The following TMEM50A variants were observed in gnomAD, a reference collection of about 807,000 sequenced individuals.
The protein encoded by TMEM50A is cervical cancer oncogene 9.
Under a neutral mutation model 23.9 loss-of-function variants are expected in TMEM50A, and 8 were observed. The observed-to-expected ratio is 0.33, with a 90% CI of 0.20 to 0.60. The LOEUF (loss-of-function observed/expected upper bound fraction) is 0.60, where lower values mean the gene tolerates loss of function less well. Among genes scored for constraint, TMEM50A ranks in the 20% least tolerant of loss-of-function variants. The pLI, the probability that TMEM50A is intolerant of heterozygous loss-of-function variation, is 0.81. For synonymous variants in TMEM50A, 55 were observed against 60.4 expected (o/e 0.91, Z 0.41); for missense variants, 178 against 192.7 (o/e 0.92, Z 0.45).
intron 5 of TMEM50A, among the ~76,000 whole-genome samples, chr1:25,354,574 T>C (rs1440245449): frequency 6.6e-6 from 1 of 151,910 alleles, no homozygotes; most frequent in African/African-American, 2.4e-5. Flanking sequence ...ATTGTGCCAC[T>C]GTACTCCAGC....
chr1:25,347,043 G>T (rs965739650), intron 3 of TMEM50A, among the ~76,000 whole-genome samples: 3 of 151,300 alleles, frequency 2.0e-5, no homozygotes, highest in Admixed American at 6.6e-5. Context: ...AACAAAAAAC[G>T]CATTTAGTGA....
rs906072607 is a variant in TMEM50A, at chr1:25,362,184, G to A, written c.*1479G>A. The A allele has an allele frequency of 2.6e-5, 12 of 459,982 alleles. No individual in the cohort carries two copies. Among genetic ancestry groups the A allele is most frequent in the African/African-American group, 1.8e-4 (9 of 50,834 alleles). 28.5% of individuals were successfully genotyped at this position (459,982 alleles called of 1,614,324 possible). Reference sequence around the variant, plus strand: ...GTTTTGTATTATCTGCTTTGCTGATGTAGACAAGAGTTAACTGAGTAGCAT... The same window carrying A: ...GTTTTGTATTATCTGCTTTGCTGATATAGACAAGAGTTAACTGAGTAGCAT... On this transcript the variant is annotated 3_prime_UTR_variant, in exon 7 of 7. Coordinates refer to ENST00000374358, the MANE Select transcript of TMEM50A (RefSeq NM_014313.4).
intron 5 of TMEM50A, among the ~76,000 whole-genome samples, chr1:25,355,910 T>A (rs1645329028): frequency 6.6e-6 from 1 of 152,230 alleles, no homozygotes; most frequent in Non-Finnish European, 1.5e-5. Context: ...TGAAGGCCTG[T>A]CAAAGATGAC....
chr1:25,362,174 C>T lies in TMEM50A; in HGVS notation c.*1469C>T, dbSNP rs538676201. On this transcript the variant is annotated 3_prime_UTR_variant, in exon 7 of 7. Coordinates refer to ENST00000374358, the MANE Select transcript of TMEM50A (RefSeq NM_014313.4). ...TAATTTTCCTGTTTTGTATTATCTG[C>T]TTTGCTGATGTAGACAAGAGTTAAC... The T allele has an allele frequency of 1.4e-4, 60 of 433,518 alleles. No individual in the cohort carries two copies. The highest frequency in any genetic ancestry group is 9.4e-4 in the African/African-American group (47 of 50,206). The allele number at this position is 433,518 out of a possible 1,614,324, so 26.9% of individuals were successfully genotyped here.
At chr1:25,350,834 G>C (rs1161353188) in intron 3 of TMEM50A, among the ~76,000 whole-genome samples, 1 of 152,126 alleles carries the variant, frequency 6.6e-6, no homozygotes, top group Non-Finnish European at 1.5e-5. Flanking sequence ...AAGTAATGCT[G>C]ATTCCGCTAG....
intron 3 of TMEM50A, among the ~76,000 whole-genome samples, chr1:25,349,166 C>G (rs1038613346): frequency 5.3e-5 from 8 of 152,226 alleles, no homozygotes; most frequent in African/African-American, 1.9e-4. Flanking sequence ...CAGCTACACC[C>G]CAACACCAGG....
At chr1:25,353,702 A>G (rs1645304031) in intron 5 of TMEM50A, among the ~76,000 whole-genome samples, 1 of 152,248 alleles carries the variant, frequency 6.6e-6, no homozygotes, top group Non-Finnish European at 1.5e-5. Flanking sequence ...AGGAAAAGGT[A>G]TACTGTTAGA....
intron 5 of TMEM50A, among the ~76,000 whole-genome samples, chr1:25,355,471 A>G (rs1198141290): frequency 2.0e-5 from 3 of 152,218 alleles, no homozygotes; most frequent in Non-Finnish European, 2.9e-5. Flanking sequence ...GTCCCTTTTT[A>G]TAGGAATGTC....
intron 3 of TMEM50A, among the ~76,000 whole-genome samples, chr1:25,345,714 C>T (rs181086461): frequency 9.3e-4 from 142 of 152,212 alleles, no homozygotes; most frequent in African/African-American, 3.3e-3. Context: ...CCACTGCACT[C>T]CAGCCTGGGC....
At chr1:25,343,111 G>A in intron 3 of TMEM50A, 38 bp downstream of exon 3, 1 of 1,484,262 alleles carries the variant, frequency 6.7e-7, no homozygotes, top group South Asian at 1.2e-5. Context: ...TACATAGCTT[G>A]CCACAAAATA....
intron 3 of TMEM50A, among the ~76,000 whole-genome samples, chr1:25,350,766 G>A (rs1645267215): frequency 6.6e-6 from 1 of 152,204 alleles, no homozygotes; most frequent in Admixed American, 6.5e-5. Flanking sequence ...TGCCCAGAGT[G>A]TCTGCTTTGC....
chr1:25,343,300 T>G (rs890194512), intron 3 of TMEM50A, among the ~76,000 whole-genome samples: 1 of 152,194 alleles, frequency 6.6e-6, no homozygotes, highest in Admixed American at 6.5e-5. Context: ...ATTCTTTTAT[T>G]TTATACCCCC....
intron 6 of TMEM50A, among the ~76,000 whole-genome samples, chr1:25,357,178 A>G (rs1484066932): frequency 6.6e-6 from 1 of 152,188 alleles, no homozygotes; most frequent in East Asian, 1.9e-4. Flanking sequence ...TTTAAGTGAA[A>G]GCCTGCCTAA....
intron 5 of TMEM50A, among the ~76,000 whole-genome samples, chr1:25,355,904 G>A (rs1473510946): frequency 1.3e-5 from 2 of 152,186 alleles, no homozygotes; most frequent in South Asian, 2.1e-4. Context: ...AGATGGTGAA[G>A]GCCTGTCAAA....
Position 25,360,834 on chromosome 1 carries a change from T to C in TMEM50A, c.*129T>C. The C allele has an allele frequency of 1.0e-6, 1 of 967,442 alleles. No individual in the cohort carries two copies. The highest frequency in any genetic ancestry group is 1.5e-6 in the Non-Finnish European group (1 of 646,524). The allele number at this position is 967,442 out of a possible 1,614,324, so 59.9% of individuals were successfully genotyped here. ...AGTGTAGTCTCAGCTTAAAGTTGTG[T>C]AATACTAAAATCACGAGAACACCTA... On this transcript the variant is annotated 3_prime_UTR_variant, in exon 7 of 7. Transcript: ENST00000374358.
At chr1:25,344,971 G>C (rs1645198767) in intron 3 of TMEM50A, among the ~76,000 whole-genome samples, 1 of 151,232 alleles carries the variant, frequency 6.6e-6, no homozygotes, top group East Asian at 1.9e-4. Flanking sequence ...AACTTCTTTT[G>C]TTTTAGAAAT....
intron 3 of TMEM50A, among the ~76,000 whole-genome samples, chr1:25,345,017 A>G (rs1557584606): frequency 6.6e-6 from 1 of 151,754 alleles, no homozygotes; most frequent in Non-Finnish European, 1.5e-5. Context: ...CTGTTTCATT[A>G]TGAATTAATG....
At chr1:25,343,970 G>A (rs963381069) in intron 3 of TMEM50A, among the ~76,000 whole-genome samples, 1 of 152,170 alleles carries the variant, frequency 6.6e-6, no homozygotes, top group Non-Finnish European at 1.5e-5. Flanking sequence ...CTTTCAGCTG[G>A]ATGCAGTGAC....
intron 4 of TMEM50A, among the ~76,000 whole-genome samples, chr1:25,351,957 C>A (rs1433902144): frequency 1.3e-5 from 2 of 152,098 alleles, no homozygotes; most frequent in Non-Finnish European, 2.9e-5. Flanking sequence ...TCATTTTAGG[C>A]AGTCATGACT....
Sources: gnomAD v4.1 joint callset for allele counts (sites outside exome capture counted in the v4.1 genomes callset) on GRCh38, gnomAD v4.1.1 for gene constraint, MANE v1.5 for transcripts, NCBI Gene and HGNC (gene_info 2026-07-23, HGNC 2026-07-21) for gene names.